Variants in CPD observed in about 807,000 individuals in gnomAD.
CPD encodes the protein carboxypeptidase D.
In CPD, 69 loss-of-function variants were observed where a neutral mutation model predicts 138.3. The observed-to-expected ratio is 0.50, with a 90% CI of 0.41 to 0.61. The LOEUF (loss-of-function observed/expected upper bound fraction) is 0.61, where lower values mean the gene tolerates loss of function less well. Among genes scored for constraint, CPD ranks in the 20% least tolerant of loss-of-function variants. The probability of loss-of-function intolerance (pLI) is 0.00; values close to 1 mark genes in which losing one functional copy is unlikely to be tolerated. For synonymous variants in CPD, 651 were observed against 642.1 expected (o/e 1.01, Z -0.21); for missense variants, 1,432 against 1,733.3 (o/e 0.83, Z 3.09).
At chr17:30,391,986 A>C (rs1911368271) in intron 2 of CPD, among the ~76,000 whole-genome samples, 1 of 150,936 alleles carries the variant, frequency 6.6e-6, no homozygotes. Context: ...ATAAATACAT[A>C]GTTATTTGAT....
At position 30,466,853 on chromosome 17, in the gene CPD, C is replaced by T. The variant is rs1431750066; in HGVS notation, c.*2039C>T. 6.6e-6 allele frequency: 1 copy of T among 152,264 alleles called. No homozygotes were observed. The highest frequency in any genetic ancestry group is 1.5e-5 in the Non-Finnish European group (1 of 68,002). The allele number at this position is 152,264 out of a possible 1,614,324, so 9.4% of individuals were successfully genotyped here. ...GTGGCTGGAGGCCATGCCTTTTAAG[C>T]ATGTGTAAAATTTTTAAAGAAATGA... is the stretch of plus-strand genomic sequence containing the variant. On this transcript the variant is annotated 3_prime_UTR_variant, in exon 21 of 21. Transcript: ENST00000225719.
At chr17:30,456,798 G>T (rs1913311291) in intron 17 of CPD, 1 of 245,800 alleles carries the variant, frequency 4.1e-6, no homozygotes, top group South Asian at 4.4e-5. Context: ...GTCGAGCCGA[G>T]ATCGCACTAC....
Position 30,464,691 on chromosome 17 carries a change from T to G in CPD, c.4020T>G (p.His1340Gln). Residue 1340 changes from histidine (H) to glutamine (Q), a missense_variant, in exon 21 of 21, where the codon CAT (histidine) becomes CAG (glutamine). His to Gln is a conservative substitution (Grantham distance 24). Coordinates refer to ENST00000225719, the MANE Select transcript of CPD (RefSeq NM_001304.5). ...HKDGFHRLRQ[H>Q]HDEYEDEIRM... Reference sequence around the variant, plus strand: ...ATGGCTTTCATCGGCTCAGGCAGCATCATGATGAGTATGAAGATGAAATTC... The same window carrying G: ...ATGGCTTTCATCGGCTCAGGCAGCAGCATGATGAGTATGAAGATGAAATTC... The G allele has an allele frequency of 6.2e-7, 1 of 1,613,966 alleles. No individual in the cohort carries two copies. The highest frequency in any genetic ancestry group is 1.3e-5 in the African/African-American group (1 of 75,004).
chr17:30,464,895 G>A lies in CPD; in HGVS notation c.*81G>A. Reference sequence around the variant, plus strand: ...TTGGGAGAACACTGCATTAAGAAGAGAGACTCTCTTGCTTCTTCAAAGAGC... The same window carrying A: ...TTGGGAGAACACTGCATTAAGAAGAAAGACTCTCTTGCTTCTTCAAAGAGC... On this transcript the variant is annotated 3_prime_UTR_variant, in exon 21 of 21. Coordinates refer to ENST00000225719, the MANE Select transcript of CPD (RefSeq NM_001304.5). 1 of 1,083,066 alleles carries A rather than the reference G, an allele frequency of 9.2e-7. No individual in the cohort carries two copies. Among genetic ancestry groups the A allele is most frequent in the Non-Finnish European group, 1.4e-6 (1 of 717,386 alleles). The allele number at this position is 1,083,066 out of a possible 1,614,324, so 67.1% of individuals were successfully genotyped here.
chr17:30,434,506 G>A, intron 8 of CPD, among the ~76,000 whole-genome samples: 1 of 152,142 alleles, frequency 6.6e-6, no homozygotes, highest in Non-Finnish European at 1.5e-5. Context: ...TAACTGGGCA[G>A]ATTAGAGCTC....
chr17:30,397,693 C>T (rs1246389429), intron 2 of CPD, among the ~76,000 whole-genome samples: 2 of 140,292 alleles, frequency 1.4e-5, no homozygotes, highest in Non-Finnish European at 3.0e-5. Context: ...GCTGTGACTA[C>T]GCCACTGCAC....
chr17:30,402,099 C>T (rs947897353), intron 2 of CPD, among the ~76,000 whole-genome samples: 6 of 151,630 alleles, frequency 4.0e-5, no homozygotes, highest in African/African-American at 1.2e-4. Flanking sequence ...GCAATTTCTA[C>T]TTACCCATCT....
At position 30,451,704 on chromosome 17, in the gene CPD, G is replaced by A. The variant is rs749564267; in HGVS notation, c.3070-7G>A. 1.2e-6 allele frequency: 2 copies of A among 1,611,514 alleles called. No individual in the cohort carries two copies. The highest frequency in any genetic ancestry group is 1.7e-6 in the Non-Finnish European group (2 of 1,178,918). ...TAGTAACTCGTTAATTTCTGTTTGT[G>A]CTTCAGTTGGTTGACAGGACTAGGA... On this transcript the variant is annotated splice_polypyrimidine_tract_variant and splice_region_variant and intron_variant, in intron 13 of 20. Transcript: ENST00000225719.
chr17:30,426,385 CAA>C (rs1239702202), intron 6 of CPD, among the ~76,000 whole-genome samples: 1 of 152,042 alleles, frequency 6.6e-6, no homozygotes, highest in Admixed American at 6.5e-5. Flanking sequence ...TAGGGTTTTT[CAA>C]AGATAGTTTG....
intron 2 of CPD, among the ~76,000 whole-genome samples, chr17:30,394,901 ATGTGTGTG>A (rs113868957): frequency 7.4e-5 from 11 of 148,334 alleles, no homozygotes; most frequent in African/African-American, 2.7e-4. Context: ...GCATGTGTGT[ATGTGTGTG>A]TGTGTGTGTG....
At chr17:30,382,597 G>C (rs1486413219) in intron 1 of CPD, among the ~76,000 whole-genome samples, 1 of 152,194 alleles carries the variant, frequency 6.6e-6, no homozygotes, top group Admixed American at 6.5e-5. Flanking sequence ...GAAAATCGAA[G>C]TGAATTTTAT....
chr17:30,401,727 C>G (rs1251835278), intron 2 of CPD, among the ~76,000 whole-genome samples: 4 of 152,104 alleles, frequency 2.6e-5, no homozygotes, highest in African/African-American at 4.8e-5. Context: ...CTCAAGGGAT[C>G]CGCCTGCCTC....
intron 17 of CPD, among the ~76,000 whole-genome samples, chr17:30,459,213 ATTAT>A (rs1597738462): frequency 2.2e-5 from 1 of 46,170 alleles, no homozygotes; most frequent in Non-Finnish European, 4.6e-5. Context: ...ATTTTTATTT[ATTAT>A]TTATTATTTA....
At chr17:30,447,771 C>G (rs1460284558) in intron 12 of CPD, among the ~76,000 whole-genome samples, 1 of 152,176 alleles carries the variant, frequency 6.6e-6, no homozygotes. Flanking sequence ...TTATGTAAAA[C>G]TGATAGCTGA....
In CPD at chr17:30,449,802, T is replaced by TA. The variant is rs2143484947; in HGVS notation, c.3069+55dup. 2.1e-6 allele frequency: 3 copies of TA among 1,449,274 alleles called. No individual in the cohort carries two copies. In the East Asian group the frequency reaches 7.3e-5, roughly 35 times the overall value. The allele number at this position is 1,449,274 out of a possible 1,614,324, so 89.8% of individuals were successfully genotyped here. ...TTAAAAGGAAAAAGCTCAACATTAA[T>TA]ATCAGGGCACCATTTTTAAAATTTT... On this transcript the variant is annotated intron_variant, in intron 13 of 20. Transcript: ENST00000225719.
In CPD at chr17:30,385,218, C is replaced by G; in HGVS notation, c.976C>G (p.His326Asp). Residue 326 changes from histidine to aspartate, a missense_variant, in exon 2 of 21, where the codon CAT becomes GAT. His to Asp is a moderately conservative substitution (Grantham distance 81). This residue lies in a region of CPD where 484 missense variants were observed against 477.2 expected (regional missense o/e 1.01). Transcript: ENST00000225719. ...TFKDGITNGA[H>D]WYDVEGGMQD... ...CAAAGATGGAATCACAAACGGCGCACATTGGTATGATGTGGAAGGTATGCA... is the reference window on the plus strand; with the variant it reads ...CAAAGATGGAATCACAAACGGCGCAGATTGGTATGATGTGGAAGGTATGCA... 6.2e-7 allele frequency: 1 copy of G among 1,613,986 alleles called. No homozygotes were observed. Among genetic ancestry groups the G allele is most frequent in the Non-Finnish European group, 8.5e-7 (1 of 1,179,916 alleles).
intron 2 of CPD, among the ~76,000 whole-genome samples, chr17:30,385,989 A>G (rs771923873): frequency 6.6e-6 from 1 of 152,038 alleles, no homozygotes; most frequent in Non-Finnish European, 1.5e-5. Context: ...CTTGGTTAAC[A>G]TGATGACCAC....
chr17:30,432,570 C>G (rs529658485), intron 8 of CPD, among the ~76,000 whole-genome samples: 19 of 151,902 alleles, frequency 1.3e-4, no homozygotes, highest in Non-Finnish European at 7.4e-5. Context: ...CTCTTACAAT[C>G]GGGAATGTTA....
chr17:30,433,109 A>G (rs2143443609), intron 8 of CPD, among the ~76,000 whole-genome samples: 1 of 152,132 alleles, frequency 6.6e-6, no homozygotes, highest in East Asian at 1.9e-4. Context: ...CCATCCTTCC[A>G]CTTTTCCCAT....
Sources: allele counts gnomAD v4.1 joint callset (sites outside exome capture counted in the v4.1 genomes callset), GRCh38; gene constraint gnomAD v4.1.1; regional missense constraint gnomAD v4.1.1; transcripts MANE v1.5; gene names NCBI Gene and HGNC (gene_info 2026-07-23, HGNC 2026-07-21).